Variants in KCNMA1 observed in about 807,000 individuals in gnomAD.
KCNMA1 encodes Calcium-activated potassium channel subunit alpha-1.
In KCNMA1, 29 loss-of-function variants were observed where a neutral mutation model predicts 140.0. The observed-to-expected ratio is 0.21, with a 90% CI of 0.15 to 0.28. KCNMA1 has a LOEUF of 0.28. Ranked by LOEUF, KCNMA1 falls within the 10% of genes least tolerant of loss-of-function variation. The pLI, the probability that KCNMA1 is intolerant of heterozygous loss-of-function variation, is 1.00. For synonymous variants in KCNMA1, 612 were observed against 611.9 expected, an observed-to-expected ratio of 1.00 and a Z score of 0.00; for missense variants, 880 against 1,602.2, an observed-to-expected ratio of 0.55 and a Z score of 7.70.
intron 20 of KCNMA1, among the ~76,000 whole-genome samples, chr10:76,959,556 G>A (rs1162032112): frequency 2.6e-5 from 4 of 152,184 alleles, no homozygotes; most frequent in Non-Finnish European, 5.9e-5. Context: ...CCTAGAGCAT[G>A]TCCTCAAGAA....
chr10:77,637,252 G>T lies in KCNMA1; in HGVS notation c.378+13C>A. The T allele has an allele frequency of 1.3e-6, 2 of 1,594,670 alleles. No homozygotes were observed. The highest frequency in any genetic ancestry group is 8.6e-7 in the Non-Finnish European group (1 of 1,168,428). ...GGCTGGCGCAGAGGGCGGGCGCCCGGGGCGCGCGTTACCTTCGTCTTGCCC... is the reference window on the plus strand; with the variant it reads ...GGCTGGCGCAGAGGGCGGGCGCCCGTGGCGCGCGTTACCTTCGTCTTGCCC... On this transcript the variant is annotated intron_variant, in intron 1 of 27. Coordinates refer to ENST00000286628, the MANE Select transcript of KCNMA1 (RefSeq NM_001161352.2).
Position 76,885,496 on chromosome 10 carries a change from C to G in KCNMA1, c.*1770G>C, listed in dbSNP as rs2036490692. 1.0e-6 allele frequency: 1 copy of G among 985,150 alleles called. No individual in the cohort carries two copies. The allele number at this position is 985,150 out of a possible 1,614,324, so 61.0% of individuals were successfully genotyped here. A position where few individuals can be genotyped will look rare whatever the true frequency, so the allele number is the denominator to read the frequency against. On this transcript the variant is annotated 3_prime_UTR_variant, in exon 28 of 28. Transcript: ENST00000286628. ...AGTGCTTGTCAATTCACACAGCAAG[C>G]AAATATCCAAAACTATCATGCTTGA...
At chr10:77,382,865 C>T (rs1264321472) in intron 2 of KCNMA1, among the ~76,000 whole-genome samples, 1 of 47,608 alleles carries the variant, frequency 2.1e-5, no homozygotes, top group East Asian at 1.0e-3. Flanking sequence ...AGCTCCGTCT[C>T]AAAAAAAAAA....
rs138517918 is a variant in KCNMA1 at position 77,563,140 on chromosome 10, A to AC, written c.378+74124dup. Among the ~76,000 whole-genome samples the AC allele has an allele frequency of 1.9e-3, 291 of 151,970 alleles. 2 individuals are homozygous for AC. The highest frequency in any genetic ancestry group is 2.9e-3 in the Non-Finnish European group (199 of 67,936). On this transcript the variant is annotated intron_variant, in intron 1 of 27. Coordinates refer to ENST00000286628, the MANE Select transcript of KCNMA1 (RefSeq NM_001161352.2). ...ATGGTAAGATTCTTTTTTTTTCCAA[A>AC]CCCGTAGGTAGCTCAAACAGCTAAG... is the stretch of plus-strand genomic sequence containing the variant.
At chr10:77,311,315 C>T (rs1242833272) in intron 2 of KCNMA1, among the ~76,000 whole-genome samples, 2 of 152,200 alleles carry the variant, frequency 1.3e-5, no homozygotes, top group African/African-American at 4.8e-5. Flanking sequence ...CCAGTAGCAG[C>T]CCCTGTCAGA....
chr10:77,345,272 T>C (rs1020205177), intron 2 of KCNMA1, among the ~76,000 whole-genome samples: 3 of 152,206 alleles, frequency 2.0e-5, no homozygotes, highest in Non-Finnish European at 2.9e-5. Flanking sequence ...CTTCACACAT[T>C]ATTCAGTTGA....
At chr10:77,357,765 C>T (rs1192858435) in intron 2 of KCNMA1, among the ~76,000 whole-genome samples, 1 of 152,196 alleles carries the variant, frequency 6.6e-6, no homozygotes, top group Non-Finnish European at 1.5e-5. Context: ...AGATGGCTCT[C>T]AGTTTTCCTG....
intron 14 of KCNMA1, among the ~76,000 whole-genome samples, chr10:77,042,318 T>A (rs2094767294): frequency 6.6e-6 from 1 of 152,226 alleles, no homozygotes; most frequent in Non-Finnish European, 1.5e-5. Flanking sequence ...AAGATATGCT[T>A]GACTTATAAG....
chr10:77,456,084 G>T (rs1371937371), intron 1 of KCNMA1, among the ~76,000 whole-genome samples: 3 of 152,190 alleles, frequency 2.0e-5, no homozygotes, highest in Non-Finnish European at 4.4e-5. Flanking sequence ...AGGAAGCATG[G>T]CTAAGGAAGG....
chr10:77,210,815 T>C (rs2045821845), intron 3 of KCNMA1, among the ~76,000 whole-genome samples: 1 of 152,008 alleles, frequency 6.6e-6, no homozygotes, highest in Non-Finnish European at 1.5e-5. Flanking sequence ...CCATTGACAA[T>C]AGCCACACAG....
chr10:77,252,874 G>T (rs2059950320), intron 2 of KCNMA1, among the ~76,000 whole-genome samples: 1 of 151,208 alleles, frequency 6.6e-6, no homozygotes, highest in African/African-American at 2.4e-5. Flanking sequence ...ATTTCATTCT[G>T]CCATTTAAAA....
At chr10:77,217,628 A>C (rs1004204273) in intron 3 of KCNMA1, 2 of 430,208 alleles carry the variant, frequency 4.6e-6, no homozygotes, top group Non-Finnish European at 9.5e-6. Flanking sequence ...GAGAAACAAA[A>C]GGAGAAAAAA....
At chr10:76,989,801 A>G (rs2082249610) in intron 19 of KCNMA1, among the ~76,000 whole-genome samples, 1 of 108,272 alleles carries the variant, frequency 9.2e-6, no homozygotes, top group South Asian at 3.1e-4. Flanking sequence ...GATGACAGTC[A>G]GTCATTTGAA....
intron 14 of KCNMA1, chr10:77,064,015 C>G (rs1207795742): frequency 1.0e-6 from 1 of 985,216 alleles, no homozygotes; most frequent in Non-Finnish European, 1.2e-6. Flanking sequence ...CTGACCATTG[C>G]CGCTTCTCGG....
intron 17 of KCNMA1, chr10:77,012,385 G>A: frequency 2.0e-6 from 3 of 1,528,972 alleles, no homozygotes; most frequent in Non-Finnish European, 2.6e-6. Context: ...TGGGCAATGA[G>A]CCCTGGGCCC....
intron 23 of KCNMA1, among the ~76,000 whole-genome samples, chr10:76,920,867 G>A (rs1260332053): frequency 6.6e-6 from 1 of 152,208 alleles, no homozygotes; most frequent in Non-Finnish European, 1.5e-5. Flanking sequence ...AACAATAGCA[G>A]ATAACAACTG....
At chr10:77,051,307 G>A (rs17389791) in intron 14 of KCNMA1, among the ~76,000 whole-genome samples, 12,516 of 152,182 alleles carry the variant, frequency 0.082, 653 homozygotes, top group Non-Finnish European at 0.12. Context: ...GGGTTCAGTC[G>A]TAAACTTTAG....
At chr10:77,365,553 C>G (rs905178626) in intron 2 of KCNMA1, among the ~76,000 whole-genome samples, 15 of 152,156 alleles carry the variant, frequency 9.9e-5, no homozygotes, top group Admixed American at 6.5e-5. Flanking sequence ...GTGTGGCTCC[C>G]GACAGGCTAG....
At chr10:76,905,748 C>T (rs531631002) in intron 25 of KCNMA1, among the ~76,000 whole-genome samples, 125 of 152,322 alleles carry the variant, frequency 8.2e-4, no homozygotes, top group Middle Eastern at 6.8e-3. Flanking sequence ...AATCAATTAT[C>T]CTTATGTGAC....
Sources: allele counts gnomAD v4.1 joint callset (sites outside exome capture counted in the v4.1 genomes callset), GRCh38; gene constraint gnomAD v4.1.1; transcripts MANE v1.5; gene names NCBI Gene and HGNC (gene_info 2026-07-23, HGNC 2026-07-21).